The following PRRG4 variants were observed in gnomAD, a reference collection of about 807,000 sequenced individuals.
PRRG4 encodes transmembrane gamma-carboxyglutamic acid protein 4.
PRRG4 carries 12 observed loss-of-function variants against 20.0 expected under a neutral mutation model. That is an observed-to-expected ratio of 0.60 (90% CI 0.38 to 0.97). The LOEUF (loss-of-function observed/expected upper bound fraction) is 0.97. Ranked by LOEUF, PRRG4 falls within the 50% of genes least tolerant of loss-of-function variation. The probability of loss-of-function intolerance (pLI) is 0.00; values close to 1 mark genes in which losing one functional copy is unlikely to be tolerated. For missense variants in PRRG4, 199 were observed against 265.1 expected, an observed-to-expected ratio of 0.75 and a Z score of 1.73; for synonymous variants, 94 against 96.4, an observed-to-expected ratio of 0.98 and a Z score of 0.15.
chr11:32,841,194 T>C (rs1851074370), intron 5 of PRRG4, among the ~76,000 whole-genome samples: 1 of 152,322 alleles, frequency 6.6e-6, no homozygotes, highest in African/African-American at 2.4e-5. Flanking sequence ...TCTTTTATGA[T>C]AACGATCATT....
chr11:32,831,748 C>T (rs575162166), intron 2 of PRRG4, among the ~76,000 whole-genome samples: 4 of 152,272 alleles, frequency 2.6e-5, no homozygotes, highest in South Asian at 2.1e-4. Flanking sequence ...CTCGCCGGCA[C>T]GGTGGCTCAC....
chr11:32,834,846 C>T (rs1851005279), intron 2 of PRRG4, among the ~76,000 whole-genome samples: 1 of 152,000 alleles, frequency 6.6e-6, no homozygotes, highest in Non-Finnish European at 1.5e-5. Context: ...TAGGATCTTG[C>T]TCTGTCACCC....
At chr11:32,834,050 T>A (rs150557336) in intron 2 of PRRG4, among the ~76,000 whole-genome samples, 3 of 152,174 alleles carry the variant, frequency 2.0e-5, no homozygotes, top group Non-Finnish European at 4.4e-5. Context: ...TACAACAGAA[T>A]ACGTGAGGGA....
intron 2 of PRRG4, among the ~76,000 whole-genome samples, chr11:32,831,079 G>T (rs1850966601): frequency 6.6e-6 from 1 of 152,102 alleles, no homozygotes; most frequent in South Asian, 2.1e-4. Context: ...AAGTGATGCG[G>T]GTGGGGCGTA....
chr11:32,852,183 A>G (rs2133452047), intron 5 of PRRG4, among the ~76,000 whole-genome samples: 1 of 152,312 alleles, frequency 6.6e-6, no homozygotes, highest in Non-Finnish European at 1.5e-5. Context: ...TACTAGTGAA[A>G]GCACAGAGAA....
At position 32,853,885 on chromosome 11, in the gene PRRG4, G is replaced by A. The variant is rs1315710233; in HGVS notation, c.*358G>A. The A allele has an allele frequency of 1.1e-5, 2 of 180,008 alleles. No homozygotes were observed. Among genetic ancestry groups the A allele is most frequent in the South Asian group, 1.1e-4 (1 of 8,882 alleles). 11.2% of individuals were successfully genotyped at this position (180,008 alleles called of 1,614,324 possible). A position where few individuals can be genotyped will look rare whatever the true frequency, so the allele number is the denominator to read the frequency against. Reference sequence around the variant, plus strand: ...AAGAAGAAAAGAGAAGAAGGAGAAGGAGATGAAGGAGGAGGAGGAGGAGAA... The same window carrying A: ...AAGAAGAAAAGAGAAGAAGGAGAAGAAGATGAAGGAGGAGGAGGAGGAGAA... On this transcript the variant is annotated 3_prime_UTR_variant, in exon 6 of 6. Coordinates refer to ENST00000257836, the MANE Select transcript of PRRG4 (RefSeq NM_024081.6).
chr11:32,851,465 C>G (rs1851182637), intron 5 of PRRG4, among the ~76,000 whole-genome samples: 1 of 152,172 alleles, frequency 6.6e-6, no homozygotes, highest in African/African-American at 2.4e-5. Flanking sequence ...TTGTGTTGAG[C>G]TCTCTAAGTA....
Position 32,830,621 on chromosome 11 carries a change from C to T in PRRG4, c.92C>T (p.Ala31Val), listed in dbSNP as rs61889489. 0.076 allele frequency: 122,846 copies of T among 1,613,466 alleles called. 5,440 individuals are homozygous for T. The highest frequency in any genetic ancestry group is 0.082 in the Non-Finnish European group (96,997 of 1,179,714). The change falls in exon 2 of 6, where the codon GCG becomes GTG. Residue 31 changes from alanine to valine, a missense_variant. Physicochemically the swap from Ala to Val is moderately conservative, Grantham distance 64. Transcript: ENST00000257836. Reference sequence around the variant, plus strand: ...AGAGGTCCAAAGGCTTCTAAGCATGCGGGAGAAGAAGGTAAGCACTAAAAC... The same window carrying T: ...AGAGGTCCAAAGGCTTCTAAGCATGTGGGAGAAGAAGGTAAGCACTAAAAC... ...CARGPKASKH[A>V]GEEVFTSKEE... is the part of the protein sequence containing the mutation.
intron 3 of PRRG4, among the ~76,000 whole-genome samples, chr11:32,837,143 A>G (rs546926604): frequency 6.6e-6 from 1 of 152,116 alleles, no homozygotes; most frequent in African/African-American, 2.4e-5. Flanking sequence ...TCAATCATTT[A>G]TGGCGGAGTG....
intron 5 of PRRG4, among the ~76,000 whole-genome samples, chr11:32,850,741 C>A (rs1428740005): frequency 6.6e-6 from 1 of 152,130 alleles, no homozygotes; most frequent in Non-Finnish European, 1.5e-5. Context: ...AAAATAAGAT[C>A]ATCGTCAGAA....
intron 3 of PRRG4, among the ~76,000 whole-genome samples, chr11:32,838,422 C>T (rs1851044533): frequency 2.0e-5 from 3 of 151,866 alleles, no homozygotes; most frequent in Non-Finnish European, 2.9e-5. Context: ...CACCACTGCA[C>T]TCCAGCTTGG....
At chr11:32,832,745 A>C (rs1369265599) in intron 2 of PRRG4, among the ~76,000 whole-genome samples, 1 of 152,210 alleles carries the variant, frequency 6.6e-6, no homozygotes, top group Non-Finnish European at 1.5e-5. Flanking sequence ...GGCCTCCCGA[A>C]GGGCTGGGAT....
chr11:32,840,667 T>A lies in PRRG4; in HGVS notation c.449+428T>A, dbSNP rs1235264232. ...ATAAACAACCTAATGATGCTATTTC[T>A]AAGGTCCTTCGAAAGAATACAAGAA... is the stretch of plus-strand genomic sequence containing the variant. On this transcript the variant is annotated intron_variant, in intron 5 of 5. Transcript: ENST00000257836. The surrounding 1 kb of genome is among the most constrained non-coding windows in gnomAD (Gnocchi z 4.1). 6.6e-6 allele frequency among the ~76,000 whole-genome samples: 1 copy of A among 152,200 alleles called. No individual in the cohort carries two copies. The highest frequency in any genetic ancestry group is 1.5e-5 in the Non-Finnish European group (1 of 68,030).
chr11:32,835,973 G>A (rs916821645), intron 2 of PRRG4, among the ~76,000 whole-genome samples: 19 of 152,024 alleles, frequency 1.2e-4, no homozygotes, highest in African/African-American at 4.3e-4. Context: ...GTGGTGGCAC[G>A]TGCCTGTAGT....
chr11:32,834,392 A>C (rs1201510018), intron 2 of PRRG4, among the ~76,000 whole-genome samples: 2 of 152,198 alleles, frequency 1.3e-5, no homozygotes, highest in East Asian at 3.8e-4. Context: ...GAGGAAACAG[A>C]ATAGAAATAT....
intron 5 of PRRG4, among the ~76,000 whole-genome samples, chr11:32,843,512 T>A (rs1246251541): frequency 6.6e-6 from 1 of 151,860 alleles, no homozygotes; most frequent in Admixed American, 6.6e-5. Flanking sequence ...CCTAATAACA[T>A]ATTTTATGTT....
intron 2 of PRRG4, among the ~76,000 whole-genome samples, chr11:32,832,218 T>C (rs1275316289): frequency 6.6e-6 from 1 of 152,102 alleles, no homozygotes; most frequent in African/African-American, 2.4e-5. Context: ...GGTGGAGACA[T>C]AGAAATGAAA....
chr11:32,843,079 G>A (rs1205817212), intron 5 of PRRG4, among the ~76,000 whole-genome samples: 2 of 152,110 alleles, frequency 1.3e-5, no homozygotes, highest in African/African-American at 4.8e-5. Context: ...CTGGCTTCAA[G>A]TGATCCATCT....
intron 5 of PRRG4, among the ~76,000 whole-genome samples, chr11:32,844,154 G>A (rs1225036856): frequency 6.6e-6 from 1 of 152,128 alleles, no homozygotes; most frequent in African/African-American, 2.4e-5. Context: ...AGACTGCCTG[G>A]ATTCAAAACC....
Sources: gnomAD v4.1 joint callset for allele counts (sites outside exome capture counted in the v4.1 genomes callset) on GRCh38, gnomAD v4.1.1 for gene constraint, Gnocchi (gnomAD v3.1) non-coding constraint, MANE v1.5 for transcripts, NCBI Gene and HGNC (gene_info 2026-07-23, HGNC 2026-07-21) for gene names.